LRRC4C: variants seen among roughly 807,000 people sequenced by gnomAD.
LRRC4C encodes the protein leucine rich repeat containing 4C, also known as leucine-rich repeat-containing protein 4C.
A neutral mutation model predicts 33.6 loss-of-function variants in LRRC4C; 5 were observed. That is an observed-to-expected ratio of 0.15 (90% CI 0.08 to 0.31). The LOEUF (loss-of-function observed/expected upper bound fraction) is 0.31, where lower values mean the gene tolerates loss of function less well. LRRC4C is among the 10% of genes least tolerant of loss of function. LRRC4C has a pLI of 1.00. For synonymous variants in LRRC4C, 329 were observed against 302.0 expected, an observed-to-expected ratio of 1.09 and a Z score of -0.93; for missense variants, 560 against 796.7, an observed-to-expected ratio of 0.70 and a Z score of 3.58.
At chr11:41,190,638 A>G (rs1945902656) in intron 1 of LRRC4C, among the ~76,000 whole-genome samples, 4 of 152,178 alleles carry the variant, frequency 2.6e-5, no homozygotes. Flanking sequence ...AAAATGACGT[A>G]TGCTCGGCTG....
intron 2 of LRRC4C, among the ~76,000 whole-genome samples, chr11:40,659,497 T>A (rs1018209607): frequency 6.6e-6 from 1 of 152,150 alleles, no homozygotes; most frequent in Non-Finnish European, 1.5e-5. Context: ...TTTTCCAGCC[T>A]GCCCTTGGTT....
intron 3 of LRRC4C, among the ~76,000 whole-genome samples, chr11:40,359,610 G>A (rs1202050427): frequency 2.0e-5 from 3 of 152,020 alleles, no homozygotes; most frequent in Non-Finnish European, 4.4e-5. Context: ...TTTATTTTGT[G>A]ACTAGATTAA....
chr11:40,942,533 G>C (rs1426534525), intron 1 of LRRC4C, among the ~76,000 whole-genome samples: 1 of 152,158 alleles, frequency 6.6e-6, no homozygotes, highest in Non-Finnish European at 1.5e-5. Flanking sequence ...TGGTGAGTGT[G>C]GGGGCGTTGC....
chr11:41,428,426 A>G (rs1478683173), intron 1 of LRRC4C, among the ~76,000 whole-genome samples: 1 of 152,156 alleles, frequency 6.6e-6, no homozygotes, highest in Non-Finnish European at 1.5e-5. Context: ...ACTGGCCCAT[A>G]TGGACAAAAA....
Position 40,115,366 on chromosome 11 carries a change from T to G in LRRC4C, c.927A>C (p.Ile309=). 1 of 1,614,176 alleles carries G rather than the reference T, an allele frequency of 6.2e-7. No individual in the cohort carries two copies. Among genetic ancestry groups the G allele is most frequent in the Non-Finnish European group, 8.5e-7 (1 of 1,180,038 alleles). Residue 309 remains isoleucine, a synonymous_variant, in exon 7 of 7, where the codon ATA becomes ATC. Coordinates refer to ENST00000528697, the MANE Select transcript of LRRC4C (RefSeq NM_001258419.2). This position sits in a 1 kb window ranked among gnomAD's most constrained non-coding sequence, Gnocchi z 6.7. ...CTTTTATCCACCAGCTGAGCCACAG[T>G]ATGTCACAGTTACAGTTCCAAGGGT... ...HHNPWNCNCD[I]LWLSWWIKDM...
intron 5 of LRRC4C, among the ~76,000 whole-genome samples, chr11:40,160,678 G>A (rs1218546914): frequency 6.6e-6 from 1 of 152,106 alleles, no homozygotes; most frequent in East Asian, 1.9e-4. Context: ...GGGCAGGGGT[G>A]GGTCATGAAA....
intron 2 of LRRC4C, among the ~76,000 whole-genome samples, chr11:40,713,421 G>C (rs1276952385): frequency 6.6e-6 from 1 of 152,140 alleles, no homozygotes; most frequent in Non-Finnish European, 1.5e-5. Flanking sequence ...TCACTGGACA[G>C]TCTGTTATGT....
chr11:40,185,659 G>A (rs931548319), intron 5 of LRRC4C, among the ~76,000 whole-genome samples: 1 of 152,166 alleles, frequency 6.6e-6, no homozygotes, highest in Non-Finnish European at 1.5e-5. Context: ...TCATCAATAT[G>A]TGGCCTATAG....
chr11:41,236,424 G>A lies in LRRC4C; in HGVS notation c.-496+223007C>T, dbSNP rs188892997. Among the ~76,000 whole-genome samples the A allele has an allele frequency of 1.1e-3, 173 of 152,084 alleles. 2 individuals are homozygous for A. The highest frequency in any genetic ancestry group is 4.0e-3 in the African/African-American group (167 of 41,512). On this transcript the variant is annotated intron_variant, in intron 1 of 6. Transcript: ENST00000528697. ...ATAACAGTAACAAAACCGAGTCTAA[G>A]ACAATCTGTTGCACTTATATACCAC...
chr11:40,503,020 C>T (rs986235397), intron 3 of LRRC4C, among the ~76,000 whole-genome samples: 2 of 152,148 alleles, frequency 1.3e-5, no homozygotes, highest in Non-Finnish European at 2.9e-5. Flanking sequence ...GCTAAGATTT[C>T]ACCTAGATGT....
chr11:40,319,828 G>C (rs1945751752), intron 3 of LRRC4C, 107 bp from the exon 4 acceptor site: 1 of 152,034 alleles, frequency 6.6e-6, no homozygotes, highest in South Asian at 2.1e-4. Flanking sequence ...ATATAATTTA[G>C]TAATTTAAAA....
At chr11:40,755,036 G>A (rs1260809333) in intron 2 of LRRC4C, among the ~76,000 whole-genome samples, 1 of 152,060 alleles carries the variant, frequency 6.6e-6, no homozygotes, top group Non-Finnish European at 1.5e-5. Flanking sequence ...TACATTCATA[G>A]ATCTTAAATT....
intron 1 of LRRC4C, among the ~76,000 whole-genome samples, chr11:41,110,665 C>T (rs536964937): frequency 1.3e-5 from 2 of 152,004 alleles, no homozygotes; most frequent in South Asian, 4.1e-4. Flanking sequence ...TTTTATTAAC[C>T]AATTTCAAAG....
intron 1 of LRRC4C, among the ~76,000 whole-genome samples, chr11:41,020,369 G>T (rs1305120605): frequency 6.6e-6 from 1 of 152,084 alleles, no homozygotes; most frequent in Admixed American, 6.6e-5. Flanking sequence ...GATCGTCTGT[G>T]GAAATAGGGT....
intron 6 of LRRC4C, among the ~76,000 whole-genome samples, chr11:40,136,165 G>C (rs1459200303): frequency 6.6e-6 from 1 of 151,942 alleles, no homozygotes; most frequent in African/African-American, 2.4e-5. Flanking sequence ...GCAGAACTGA[G>C]TGGTTGTGAT....
intron 2 of LRRC4C, among the ~76,000 whole-genome samples, chr11:40,682,746 C>A (rs867282188): frequency 7.1e-6 from 1 of 141,666 alleles, no homozygotes; most frequent in African/African-American, 2.6e-5. Flanking sequence ...GACTCTGTCT[C>A]AATAAATAAA....
At chr11:40,415,272 A>G (rs186473427) in intron 3 of LRRC4C, among the ~76,000 whole-genome samples, 1 of 152,336 alleles carries the variant, frequency 6.6e-6, no homozygotes, top group Non-Finnish European at 1.5e-5. Flanking sequence ...GTCACATACA[A>G]GCTCATGCTC....
At chr11:40,507,738 ATTTTT>A (rs5791383) in intron 3 of LRRC4C, among the ~76,000 whole-genome samples, 1 of 135,104 alleles carries the variant, frequency 7.4e-6, no homozygotes. Flanking sequence ...ACTAGATTTA[ATTTTT>A]TTTTTTTTTT....
At chr11:40,450,644 C>G (rs576038719) in intron 3 of LRRC4C, among the ~76,000 whole-genome samples, 32 of 151,950 alleles carry the variant, frequency 2.1e-4, no homozygotes, top group African/African-American at 7.2e-4. Flanking sequence ...GAAAGTATTA[C>G]ACATTATACA....
Sources: gnomAD v4.1 joint callset for allele counts (sites outside exome capture counted in the v4.1 genomes callset) on GRCh38, gnomAD v4.1.1 for gene constraint, Gnocchi (gnomAD v3.1) non-coding constraint, MANE v1.5 for transcripts, NCBI Gene and HGNC (gene_info 2026-07-23, HGNC 2026-07-21) for gene names.